Variants in ZNF618 observed in about 807,000 individuals in gnomAD.
ZNF618 encodes neural precursor cell expressed, developmentally down-regulated 10.
Under a neutral mutation model 103.0 loss-of-function variants are expected in ZNF618, and 34 were observed. The ratio of observed to expected loss-of-function variants is 0.33; its 90% CI spans 0.25 to 0.44. The LOEUF (loss-of-function observed/expected upper bound fraction) is 0.44, where lower values mean the gene tolerates loss of function less well. Ranked by LOEUF, ZNF618 falls within the 20% of genes least tolerant of loss-of-function variation. The probability of loss-of-function intolerance (pLI) is 1.00; values close to 1 mark genes in which losing one functional copy is unlikely to be tolerated. For synonymous variants in ZNF618, 551 were observed against 542.2 expected (o/e 1.02, Z -0.23); for missense variants, 1,059 against 1,295.4 (o/e 0.82, Z 2.80).
intron 14 of ZNF618, 126 bp from the exon 15 acceptor site, chr9:114,048,525 A>G (rs1184939904): frequency 3.0e-6 from 3 of 988,140 alleles, no homozygotes; most frequent in Non-Finnish European, 4.4e-6. Flanking sequence ...AGCACCACCC[A>G]TGTGTGTGCA....
At chr9:113,885,562 A>G (rs1828986790) in intron 1 of ZNF618, among the ~76,000 whole-genome samples, 1 of 152,172 alleles carries the variant, frequency 6.6e-6, no homozygotes, top group Admixed American at 6.5e-5. Context: ...AGTCTTTCAC[A>G]GATTCTTTCC....
chr9:114,009,201 T>C (rs935870137), intron 9 of ZNF618, among the ~76,000 whole-genome samples: 1 of 152,184 alleles, frequency 6.6e-6, no homozygotes, highest in Non-Finnish European at 1.5e-5. Flanking sequence ...CAGCAGATCA[T>C]TGAACAGATA....
At chr9:114,033,760 G>A (rs1844319672) in intron 12 of ZNF618, among the ~76,000 whole-genome samples, 1 of 152,196 alleles carries the variant, frequency 6.6e-6, no homozygotes, top group African/African-American at 2.4e-5. Flanking sequence ...GTTACATTAG[G>A]GGAAGGCACC....
chr9:114,045,167 C>G (rs1284245098), intron 13 of ZNF618, among the ~76,000 whole-genome samples: 1 of 151,940 alleles, frequency 6.6e-6, no homozygotes, highest in Non-Finnish European at 1.5e-5. Flanking sequence ...TGTCTTTTTA[C>G]TTTCTTGATG....
At chr9:113,964,102 T>C (rs1192955102) in intron 1 of ZNF618, among the ~76,000 whole-genome samples, 1 of 152,186 alleles carries the variant, frequency 6.6e-6, no homozygotes, top group African/African-American at 2.4e-5. Context: ...AGGTCCATCT[T>C]GAGCTTGGCT....
chr9:113,989,306 G>T (rs771448058), intron 3 of ZNF618, among the ~76,000 whole-genome samples: 1 of 152,168 alleles, frequency 6.6e-6, no homozygotes, highest in Non-Finnish European at 1.5e-5. Context: ...ACTGACGGTT[G>T]CTGGGTGGGG....
chr9:113,881,435 G>T (rs995134660), intron 1 of ZNF618, among the ~76,000 whole-genome samples: 7 of 152,188 alleles, frequency 4.6e-5, no homozygotes, highest in African/African-American at 1.7e-4. Flanking sequence ...GGGTGCCATT[G>T]ATTTTAACAT....
chr9:113,944,988 C>T (rs1834884717), intron 1 of ZNF618, among the ~76,000 whole-genome samples: 2 of 152,138 alleles, frequency 1.3e-5, no homozygotes, highest in Admixed American at 1.3e-4. Context: ...TGCAGGCCAC[C>T]TGTGAACCTG....
intron 1 of ZNF618, among the ~76,000 whole-genome samples, chr9:113,904,137 G>T (rs1830781387): frequency 6.9e-6 from 1 of 144,972 alleles, no homozygotes; most frequent in Non-Finnish European, 1.5e-5. Flanking sequence ...AATTATTGCT[G>T]TCTTCAAGTT....
intron 10 of ZNF618, among the ~76,000 whole-genome samples, chr9:114,025,017 A>G (rs888645644): frequency 1.3e-5 from 2 of 152,144 alleles, no homozygotes; most frequent in African/African-American, 4.8e-5. Context: ...TAGAGTGACC[A>G]TGGGGCTCAC....
At chr9:113,877,807 C>T (rs897211448) in intron 1 of ZNF618, among the ~76,000 whole-genome samples, 1 of 151,894 alleles carries the variant, frequency 6.6e-6, no homozygotes, top group African/African-American at 2.4e-5. Flanking sequence ...AATGTAAATT[C>T]ATACATTATA....
chr9:113,953,051 A>G (rs1238267951), intron 1 of ZNF618, among the ~76,000 whole-genome samples: 1 of 152,238 alleles, frequency 6.6e-6, no homozygotes, highest in African/African-American at 2.4e-5. Context: ...TTGCAACTAC[A>G]TGCAATATAA....
chr9:113,913,668 A>G (rs1831778650), intron 1 of ZNF618, among the ~76,000 whole-genome samples: 1 of 131,616 alleles, frequency 7.6e-6, no homozygotes, highest in Non-Finnish European at 1.6e-5. Flanking sequence ...CACTGCAGTC[A>G]GTGTCTATCT....
rs962845534 is a variant in ZNF618, at chr9:114,052,742, G to A, written c.*2575G>A. On this transcript the variant is annotated 3_prime_UTR_variant, in exon 15 of 15. Coordinates refer to ENST00000374126, the MANE Select transcript of ZNF618 (RefSeq NM_001318042.2). Reference sequence around the variant, plus strand: ...CCTCTACTTGGAGCAAAGTTGTGCTGGTGATGCCCCATTATTGGGCCAGTT... The same window carrying A: ...CCTCTACTTGGAGCAAAGTTGTGCTAGTGATGCCCCATTATTGGGCCAGTT... 7 of 152,218 alleles carry A rather than the reference G, an allele frequency of 4.6e-5. No homozygotes were observed. Among genetic ancestry groups the A allele is most frequent in the African/African-American group, 1.4e-4 (6 of 41,444 alleles). The allele number at this position is 152,218 out of a possible 1,614,324, so 9.4% of individuals were successfully genotyped here. A position where few individuals can be genotyped will look rare whatever the true frequency, so the allele number is the denominator to read the frequency against.
At position 114,022,581 on chromosome 9, in the gene ZNF618, C is replaced by T. The variant is rs138440005; in HGVS notation, c.844+5797C>T. 7.6e-3 allele frequency among the ~76,000 whole-genome samples: 861 copies of T among 113,768 alleles called. 14 individuals are homozygous for T. The highest frequency in any genetic ancestry group is 0.056 in the East Asian group (215 of 3,830). 74.6% of individuals were successfully genotyped at this position (113,768 alleles called of 152,430 possible). On this transcript the variant is annotated intron_variant, in intron 10 of 14. Coordinates refer to ENST00000374126, the MANE Select transcript of ZNF618 (RefSeq NM_001318042.2). ...ACCTACCTTATGGTCTCTTCTGCTG[C>T]GGTTTCATGTCCACTTGACCAAAAA...
At chr9:113,976,863 A>G (rs187460646) in intron 2 of ZNF618, among the ~76,000 whole-genome samples, 3 of 152,300 alleles carry the variant, frequency 2.0e-5, no homozygotes, top group African/African-American at 7.2e-5. Flanking sequence ...AGTTCCTATT[A>G]GATATATGGC....
chr9:114,046,025 T>A (rs998787343), intron 13 of ZNF618, among the ~76,000 whole-genome samples: 1 of 152,150 alleles, frequency 6.6e-6, no homozygotes, highest in African/African-American at 2.4e-5. Flanking sequence ...GGAATGTTTA[T>A]CACTAGTATG....
intron 9 of ZNF618, among the ~76,000 whole-genome samples, chr9:114,009,973 AT>A (rs1032527874): frequency 1.3e-5 from 2 of 152,268 alleles, no homozygotes; most frequent in African/African-American, 4.8e-5. Context: ...TGTCACATGC[AT>A]AGTAAACACT....
At chr9:113,884,810 G>GAC (rs1349050513) in intron 1 of ZNF618, among the ~76,000 whole-genome samples, 2 of 149,514 alleles carry the variant, frequency 1.3e-5, no homozygotes, top group African/African-American at 5.1e-5. Context: ...GAGAGAGAGA[G>GAC]AGACAGAGAA....
Sources: gnomAD v4.1 joint callset for allele counts (sites outside exome capture counted in the v4.1 genomes callset) on GRCh38, gnomAD v4.1.1 for gene constraint, MANE v1.5 for transcripts, NCBI Gene and HGNC (gene_info 2026-07-23, HGNC 2026-07-21) for gene names.